The following PCGF3 variants were observed in gnomAD, a reference collection of about 807,000 sequenced individuals.
PCGF3 encodes the protein polycomb group ring finger 3.
PCGF3 carries 7 observed loss-of-function variants against 33.1 expected under a neutral mutation model. That is an observed-to-expected ratio of 0.21 (90% CI 0.12 to 0.40). The LOEUF (loss-of-function observed/expected upper bound fraction) is 0.40, where lower values mean the gene tolerates loss of function less well. Among genes scored for constraint, PCGF3 ranks in the 10% least tolerant of loss-of-function variants. The pLI, the probability that PCGF3 is intolerant of heterozygous loss-of-function variation, is 1.00. For missense variants in PCGF3, 211 were observed against 313.3 expected (o/e 0.67, Z 2.46); for synonymous variants, 153 against 121.3 (o/e 1.26, Z -1.72).
At chr4:761,995 A>T in intron 9 of PCGF3, 1 of 985,290 alleles carries the variant, frequency 1.0e-6, no homozygotes, top group East Asian at 1.1e-4. Flanking sequence ...GCTGTGCAGA[A>T]ATGGACGCAG....
At chr4:711,449 TTTTTC>T (rs1330512591) in intron 1 of PCGF3, among the ~76,000 whole-genome samples, 7 of 90,182 alleles carry the variant, frequency 7.8e-5, no homozygotes, top group South Asian at 4.2e-4. Context: ...TTTTCTTTTT[TTTTTC>T]TTTTTTTTTT....
intron 3 of PCGF3, among the ~76,000 whole-genome samples, chr4:733,044 G>T (rs1210916479): frequency 6.6e-6 from 1 of 152,042 alleles, no homozygotes; most frequent in African/African-American, 2.4e-5. Flanking sequence ...GTGAGGGTAG[G>T]GTGGGGCCCC....
rs557873043 is a variant in PCGF3 at position 730,833 on chromosome 4, G to T, written c.-150-137G>T. 18 of 393,758 alleles carry T rather than the reference G, an allele frequency of 4.6e-5. No homozygotes were observed. In the South Asian group the frequency reaches 2.3e-3, roughly 50 times the overall value. The allele number at this position is 393,758 out of a possible 1,614,324, so 24.4% of individuals were successfully genotyped here. A position where few individuals can be genotyped will look rare whatever the true frequency, so the allele number is the denominator to read the frequency against. Reference sequence around the variant, plus strand: ...TGCGTGGGTCCTTAGCTTTTCTCCCGGTCAGTACTTCTGATTGACCCCATT... The same window carrying T: ...TGCGTGGGTCCTTAGCTTTTCTCCCTGTCAGTACTTCTGATTGACCCCATT... On this transcript the variant is annotated intron_variant, in intron 2 of 10. Coordinates refer to ENST00000362003, the Ensembl canonical transcript of PCGF3.
Position 733,804 on chromosome 4 carries a change from C to T in PCGF3, c.109+15C>T, listed in dbSNP as rs758565236. On this transcript the variant is annotated intron_variant, in intron 4 of 10. Coordinates refer to ENST00000362003, the Ensembl canonical transcript of PCGF3. ...TCTGCACACCTGTACGTGCCCTGCC[C>T]GCGCCACCCAGGGAGGGCGCGCCCT... 8.5e-5 allele frequency: 137 copies of T among 1,613,656 alleles called. No homozygotes were observed. The highest frequency in any genetic ancestry group is 5.8e-4 in the Admixed American group (35 of 60,002).
chr4:719,530 C>A (rs1281463499), intron 1 of PCGF3, among the ~76,000 whole-genome samples: 1 of 152,302 alleles, frequency 6.6e-6, no homozygotes, highest in East Asian at 1.9e-4. Context: ...GTCCTCCGCG[C>A]GGGTTGGCGA....
At chr4:768,765 G>A (rs1745491727) in exon 11 of PCGF3, 1 of 152,558 alleles carries the variant, frequency 6.6e-6, no homozygotes, top group South Asian at 2.1e-4. Flanking sequence ...TTTGGTTTCA[G>A]TGGTCCAGCT....
Position 743,416 on chromosome 4 carries a change from G to GAA in PCGF3, c.263-57_263-56dup. On this transcript the variant is annotated intron_variant, in intron 6 of 10. Transcript: ENST00000362003. ...TTTCTTTATGTGATGTTTATGAACA[G>GAA]AAGTTTAATAGAATCCACTGCCTGT... is the stretch of plus-strand genomic sequence containing the variant. 6 of 989,336 alleles carry GAA rather than the reference G, an allele frequency of 6.1e-6. No individual in the cohort carries two copies. In the South Asian group the frequency reaches 7.9e-5, roughly 13 times the overall value. 61.3% of individuals were successfully genotyped at this position (989,336 alleles called of 1,614,324 possible).
rs576579076 is a variant in PCGF3 at position 749,890 on chromosome 4, T to C, written c.462+5202T>C. Among the ~76,000 whole-genome samples, 6 of 152,338 alleles carry C rather than the reference T, an allele frequency of 3.9e-5. No homozygotes were observed. The East Asian group carries it at 1.2e-3, about 29-fold the overall frequency. ...TGGAGTGCAATGGTGCAATCACAGC[T>C]CCCTGTACCCTCTGCCTCCTGGGCT... On this transcript the variant is annotated intron_variant, in intron 8 of 10. Transcript: ENST00000362003.
intron 1 of PCGF3, among the ~76,000 whole-genome samples, chr4:708,379 C>T (rs921359296): frequency 6.6e-6 from 1 of 152,086 alleles, no homozygotes; most frequent in Non-Finnish European, 1.5e-5. Flanking sequence ...CTGGGACCCT[C>T]GGGGGGGAAT....
intron 8 of PCGF3, among the ~76,000 whole-genome samples, chr4:755,219 C>T (rs1367351006): frequency 6.6e-6 from 1 of 152,244 alleles, no homozygotes; most frequent in African/African-American, 2.4e-5. Context: ...ATACTGGAGA[C>T]TTTTAGGTGG....
rs954161625 is a variant in PCGF3, at chr4:721,526, C to A, written c.-189-9104C>A. 6.6e-6 allele frequency among the ~76,000 whole-genome samples: 1 copy of A among 151,958 alleles called. No homozygotes were observed. Among genetic ancestry groups the A allele is most frequent in the African/African-American group, 2.4e-5 (1 of 41,386 alleles). On this transcript the variant is annotated intron_variant, in intron 1 of 10. Transcript: ENST00000362003. The surrounding 1 kb of genome is among the most constrained non-coding windows in gnomAD (Gnocchi z 4.1). ...AGCGGAAGAGAGAGGGAGTCGGTGCCTTAGGAGGCTGCGGGCGAGGCGAGG... is the reference window on the plus strand; with the variant it reads ...AGCGGAAGAGAGAGGGAGTCGGTGCATTAGGAGGCTGCGGGCGAGGCGAGG...
chr4:752,141 G>A (rs558419629), intron 8 of PCGF3, among the ~76,000 whole-genome samples: 1 of 152,242 alleles, frequency 6.6e-6, no homozygotes, highest in Non-Finnish European at 1.5e-5. Flanking sequence ...GGTGAATGGC[G>A]TTTCCCACAC....
intron 6 of PCGF3, among the ~76,000 whole-genome samples, chr4:739,781 C>T (rs1229457867): frequency 1.3e-5 from 2 of 152,210 alleles, no homozygotes; most frequent in Non-Finnish European, 2.9e-5. Flanking sequence ...TGTTCTCGTC[C>T]ACCTCAGCAC....
At chr4:715,194 C>A (rs55633214) in intron 1 of PCGF3, among the ~76,000 whole-genome samples, 61 of 59,170 alleles carry the variant, frequency 1.0e-3, no homozygotes, top group South Asian at 6.8e-3. Context: ...GTAGACACTG[C>A]GAGTGTGAGA....
At chr4:738,476 G>A (rs1299929624) in intron 6 of PCGF3, among the ~76,000 whole-genome samples, 1 of 152,194 alleles carries the variant, frequency 6.6e-6, no homozygotes, top group African/African-American at 2.4e-5. Flanking sequence ...CGTTTGCACC[G>A]AGTGTTTCAG....
chr4:729,249 T>C (rs1204947657), intron 1 of PCGF3, among the ~76,000 whole-genome samples: 5 of 151,482 alleles, frequency 3.3e-5, no homozygotes, highest in African/African-American at 9.7e-5. Flanking sequence ...ACCCTGTCTC[T>C]ACTAAAAATA....
At chr4:714,846 A>T (rs1195241512) in intron 1 of PCGF3, among the ~76,000 whole-genome samples, 1 of 152,250 alleles carries the variant, frequency 6.6e-6, no homozygotes, top group East Asian at 1.9e-4. Flanking sequence ...CCTTAATTAC[A>T]GCTTCAAAAG....
intron 9 of PCGF3, among the ~76,000 whole-genome samples, chr4:763,706 TC>T (rs1470275821): frequency 6.6e-6 from 1 of 152,146 alleles, no homozygotes; most frequent in Non-Finnish European, 1.5e-5. Flanking sequence ...CAGCCACACC[TC>T]GTCATTTACC....
intron 1 of PCGF3, chr4:723,624 C>G (rs1374654178): frequency 6.5e-6 from 1 of 153,008 alleles, no homozygotes. Flanking sequence ...GGGCAGGGTC[C>G]TCACCCCCAG....
Sources: gnomAD v4.1 joint callset for allele counts (sites outside exome capture counted in the v4.1 genomes callset) on GRCh38, gnomAD v4.1.1 for gene constraint, Gnocchi (gnomAD v3.1) non-coding constraint, MANE v1.5 for transcripts, NCBI Gene and HGNC (gene_info 2026-07-23, HGNC 2026-07-21) for gene names.